The following ITPR2 variants were observed in gnomAD, a reference collection of about 807,000 sequenced individuals.
The protein encoded by ITPR2 is inositol 1,4,5-trisphosphate receptor type 2.
In ITPR2, 207 loss-of-function variants were observed where a neutral mutation model predicts 317.1. The ratio of observed to expected loss-of-function variants is 0.65; its 90% CI spans 0.58 to 0.73. ITPR2 has a LOEUF of 0.73. ITPR2 is among the 30% of genes least tolerant of loss of function. ITPR2 has a pLI of 0.00. For synonymous variants in ITPR2, 1,156 were observed against 1,149.1 expected (o/e 1.01, Z -0.12); for missense variants, 2,613 against 3,284.0 (o/e 0.80, Z 4.99).
intron 37 of ITPR2, among the ~76,000 whole-genome samples, chr12:26,540,100 T>C (rs1944217200): frequency 6.6e-6 from 1 of 152,224 alleles, no homozygotes; most frequent in African/African-American, 2.4e-5. Context: ...AATCCAGTAC[T>C]CTACCCTCCT....
At position 26,624,444 on chromosome 12, in the gene ITPR2, A is replaced by G. The variant is rs985178615; in HGVS notation, c.3065-88T>C. On this transcript the variant is annotated intron_variant, in intron 23 of 56. Coordinates refer to ENST00000381340, the MANE Select transcript of ITPR2 (RefSeq NM_002223.4). Reference sequence around the variant, plus strand: ...TATTAATATCAATTGATGTGAAAATATTTTTGTCTTCATTTCTTTATTCGA... The same window carrying G: ...TATTAATATCAATTGATGTGAAAATGTTTTTGTCTTCATTTCTTTATTCGA... The G allele has an allele frequency of 1.0e-5, 10 of 952,978 alleles. No homozygotes were observed. In the African/African-American group the frequency reaches 1.5e-4, roughly 14 times the overall value. 59.0% of individuals were successfully genotyped at this position (952,978 alleles called of 1,614,324 possible). A position where few individuals can be genotyped will look rare whatever the true frequency, so the allele number is the denominator to read the frequency against.
chr12:26,448,156 T>C (rs1309779566), intron 45 of ITPR2, among the ~76,000 whole-genome samples: 1 of 152,044 alleles, frequency 6.6e-6, no homozygotes, highest in African/African-American at 2.4e-5. Flanking sequence ...TAGATACTAA[T>C]TAAAAACTGA....
chr12:26,596,553 AG>A (rs1450322479), intron 31 of ITPR2, among the ~76,000 whole-genome samples: 3 of 151,706 alleles, frequency 2.0e-5, no homozygotes, highest in African/African-American at 4.8e-5. Flanking sequence ...AGGCTGAGGC[AG>A]GAGAATCGCT....
chr12:26,761,258 G>A (rs540005479), intron 2 of ITPR2, among the ~76,000 whole-genome samples: 2 of 152,194 alleles, frequency 1.3e-5, no homozygotes, highest in Non-Finnish European at 2.9e-5. Flanking sequence ...CCACCAGACA[G>A]CCCATCAAGA....
At chr12:26,405,672 C>G (rs1647226565) in intron 52 of ITPR2, among the ~76,000 whole-genome samples, 1 of 152,138 alleles carries the variant, frequency 6.6e-6, no homozygotes, top group South Asian at 2.1e-4. Flanking sequence ...TCTTAGAAAA[C>G]AAGGGATTGT....
At chr12:26,638,300 G>T (rs965941719) in intron 21 of ITPR2, among the ~76,000 whole-genome samples, 1 of 152,144 alleles carries the variant, frequency 6.6e-6, no homozygotes, top group Admixed American at 6.5e-5. Context: ...TGTACATGCT[G>T]TTTTCATAAG....
At chr12:26,583,358 T>C (rs1945447483) in intron 32 of ITPR2, among the ~76,000 whole-genome samples, 1 of 152,184 alleles carries the variant, frequency 6.6e-6, no homozygotes, top group African/African-American at 2.4e-5. Flanking sequence ...AGTATGAGTT[T>C]AACATATTTT....
At chr12:26,486,947 C>A in intron 40 of ITPR2, 121 bp downstream of exon 40, 9 of 1,024,384 alleles carry the variant, frequency 8.8e-6, no homozygotes, top group Non-Finnish European at 9.1e-6. Context: ...TATGGATGAT[C>A]AGAGCCACAG....
chr12:26,520,296 G>A (rs1320117373), intron 37 of ITPR2, among the ~76,000 whole-genome samples: 1 of 152,096 alleles, frequency 6.6e-6, no homozygotes, highest in Non-Finnish European at 1.5e-5. Flanking sequence ...GTATGAGAGG[G>A]AGATTGCAGG....
At chr12:26,367,437 G>A (rs1939046678) in intron 55 of ITPR2, among the ~76,000 whole-genome samples, 1 of 151,122 alleles carries the variant, frequency 6.6e-6, no homozygotes, top group African/African-American at 2.4e-5. Context: ...TAAAGATGAT[G>A]TAATCTTAGC....
intron 2 of ITPR2, among the ~76,000 whole-genome samples, chr12:26,772,520 T>TA (rs1465763781): frequency 3.8e-5 from 3 of 79,966 alleles, no homozygotes; most frequent in South Asian, 3.3e-4. Context: ...ATATAATACA[T>TA]TATTATATAT....
At chr12:26,387,373 G>T in intron 55 of ITPR2, 61 bp downstream of exon 55, 1 of 1,483,334 alleles carries the variant, frequency 6.7e-7, no homozygotes, top group South Asian at 1.2e-5. Context: ...TGGTAGGGTA[G>T]AGAAGATGAA....
At chr12:26,514,348 C>T (rs143829584) in intron 37 of ITPR2, among the ~76,000 whole-genome samples, 26 of 152,144 alleles carry the variant, frequency 1.7e-4, no homozygotes, top group African/African-American at 5.5e-4. Flanking sequence ...AATGAAGTCC[C>T]GAAAATGATT....
At position 26,667,240 on chromosome 12, in the gene ITPR2, T is replaced by C. The variant is rs139248737; in HGVS notation, c.1410-1189A>G. Among the ~76,000 whole-genome samples the C allele has an allele frequency of 1.6e-3, 247 of 152,328 alleles. 1 individual carries two copies. Among genetic ancestry groups the C allele is most frequent in the African/African-American group, 5.7e-3 (237 of 41,576 alleles). ...CTCTTTTCTTCTCTTTCAATACCTT[T>C]GGTAAGAAAACATCCTGATCCTATC... On this transcript the variant is annotated intron_variant, in intron 13 of 56. Coordinates refer to ENST00000381340, the MANE Select transcript of ITPR2 (RefSeq NM_002223.4).
chr12:26,642,540 C>T (rs562692114), intron 21 of ITPR2, among the ~76,000 whole-genome samples: 1 of 152,352 alleles, frequency 6.6e-6, no homozygotes, highest in South Asian at 2.1e-4. Flanking sequence ...CCCTTGGCTT[C>T]CCAGCCTCCG....
intron 34 of ITPR2, among the ~76,000 whole-genome samples, chr12:26,567,436 C>T (rs1945008357): frequency 6.6e-6 from 1 of 152,108 alleles, no homozygotes; most frequent in Non-Finnish European, 1.5e-5. Context: ...CAAACCATCC[C>T]ATTTCGATTG....
rs777869920 is a variant in ITPR2, at chr12:26,596,921, T to C, written c.4216A>G (p.Ile1406Val). ...TCGTCATGGGTCACCACCCTCACTA[T>C]GTCGTCCAGCGGGAGAAGGGAATTA... ...KCNSLLPLDD[I>V]VRVVTHDDCI... Residue 1406 changes from isoleucine (I) to valine (V), a missense_variant, in exon 31 of 57, where the codon ATA becomes GTA. Ile to Val is a conservative substitution (Grantham distance 29). Coordinates refer to ENST00000381340, the MANE Select transcript of ITPR2 (RefSeq NM_002223.4). The C allele has an allele frequency of 2.0e-5, 32 of 1,584,978 alleles. No homozygotes were observed. Among genetic ancestry groups the C allele is most frequent in the Non-Finnish European group, 2.0e-5 (23 of 1,164,526 alleles).
chr12:26,673,494 A>G (rs1256126708), intron 13 of ITPR2, among the ~76,000 whole-genome samples: 5 of 151,434 alleles, frequency 3.3e-5, no homozygotes, highest in African/African-American at 7.3e-5. Context: ...AAATTCAACA[A>G]CCCTTCATGC....
chr12:26,376,702 T>TTTC (rs1939356654), intron 55 of ITPR2, among the ~76,000 whole-genome samples: 1 of 151,640 alleles, frequency 6.6e-6, no homozygotes, highest in Non-Finnish European at 1.5e-5. Context: ...CTTTCTTTTT[T>TTTC]TTTCTTTCTT....
Sources: allele counts gnomAD v4.1 joint callset (sites outside exome capture counted in the v4.1 genomes callset), GRCh38; gene constraint gnomAD v4.1.1; transcripts MANE v1.5; gene names NCBI Gene and HGNC (gene_info 2026-07-23, HGNC 2026-07-21).